The following SORT1 variants were observed in gnomAD, a reference collection of about 807,000 sequenced individuals.
SORT1 encodes sortilin.
In SORT1, 39 loss-of-function variants were observed where a neutral mutation model predicts 101.7. The ratio of observed to expected loss-of-function variants is 0.38; its 90% confidence interval spans 0.30 to 0.50. The LOEUF (loss-of-function observed/expected upper bound fraction) is 0.50. Among genes scored for constraint, SORT1 ranks in the 20% least tolerant of loss-of-function variants. The pLI is 0.90. For missense variants in SORT1, 878 were observed against 1,040.4 expected (o/e 0.84, Z 2.15); for synonymous variants, 396 against 393.7 (o/e 1.01, Z -0.07).
chr1:109,329,359 T>C (rs1329229647), intron 11 of SORT1, among the ~76,000 whole-genome samples: 14 of 152,132 alleles, frequency 9.2e-5, no homozygotes, highest in Admixed American at 9.2e-4. Context: ...GTTCATGCCA[T>C]TCTCCTGCCT....
chr1:109,395,113 A>G (rs1456842631), intron 1 of SORT1, among the ~76,000 whole-genome samples: 2 of 151,400 alleles, frequency 1.3e-5, no homozygotes, highest in Non-Finnish European at 2.9e-5. Flanking sequence ...GGTAAATGAT[A>G]TTAAACAAAG....
At chr1:109,326,909 G>T in intron 13 of SORT1, 83 bp downstream of exon 13, 2 of 1,082,528 alleles carry the variant, frequency 1.8e-6, no homozygotes, top group Non-Finnish European at 2.6e-6. Flanking sequence ...ATTATAGTCT[G>T]TAACATCCCC....
Position 109,345,777 on chromosome 1 carries a change from G to T in SORT1, c.937C>A (p.Leu313Ile). Reference protein sequence around the residue: ...IYSFGLGGRFLFASVMADKDT... With the variant: ...IYSFGLGGRFIFASVMADKDT... ...TTATCAGCCATCACAGAGGCAAAAA[G>T]GAAACGTCCCCCAAGACCAAATGAG... The change falls in exon 8 of 20, where the codon CTT (leucine) becomes ATT (isoleucine). Residue 313 changes from leucine to isoleucine, a missense_variant. Around this residue, in one of 2 missense-constraint regions of SORT1, gnomAD observed 684 missense variants for 894.5 expected, o/e 0.76. Transcript: ENST00000256637. The T allele has an allele frequency of 6.2e-7, 1 of 1,613,778 alleles. No homozygotes were observed.
intron 15 of SORT1, among the ~76,000 whole-genome samples, chr1:109,318,581 T>C (rs1311044152): frequency 6.6e-6 from 1 of 152,008 alleles, no homozygotes; most frequent in East Asian, 1.9e-4. Flanking sequence ...TGCAGAGGGG[T>C]GGAGACTCAC....
intron 8 of SORT1, 122 bp downstream of exon 8, chr1:109,345,629 C>T: frequency 3.3e-6 from 3 of 918,014 alleles, no homozygotes; most frequent in Non-Finnish European, 5.0e-6. Context: ...CCCTAACACT[C>T]ACAGTGGTAC....
chr1:109,389,552 G>A (rs977720723), intron 1 of SORT1, among the ~76,000 whole-genome samples: 15 of 152,124 alleles, frequency 9.9e-5, no homozygotes, highest in East Asian at 1.9e-4. Flanking sequence ...CCAGCTAATC[G>A]GCCCAATAAT....
Position 109,342,169 on chromosome 1 carries a change from T to C in SORT1, c.964-11A>G, listed in dbSNP as rs574119244. 4.4e-6 allele frequency: 7 copies of C among 1,598,692 alleles called. No individual in the cohort carries two copies. Among genetic ancestry groups the C allele is most frequent in the African/African-American group, 2.7e-5 (2 of 74,688 alleles). ...CCTTCTTGTTGTATCCTAGAACAGATGTCAATATTTATCTTTCTAATTTTC... is the reference window on the plus strand; with the variant it reads ...CCTTCTTGTTGTATCCTAGAACAGACGTCAATATTTATCTTTCTAATTTTC... On this transcript the variant is annotated splice_polypyrimidine_tract_variant and intron_variant, in intron 8 of 19. Coordinates refer to ENST00000256637, the MANE Select transcript of SORT1 (RefSeq NM_002959.7).
chr1:109,333,710 C>T (rs1648609922), intron 11 of SORT1, among the ~76,000 whole-genome samples: 1 of 152,102 alleles, frequency 6.6e-6, no homozygotes, highest in Non-Finnish European at 1.5e-5. Context: ...TATTATCTCA[C>T]CCAAGTTAGA....
At chr1:109,394,670 A>G (rs1653095692) in intron 1 of SORT1, among the ~76,000 whole-genome samples, 1 of 152,214 alleles carries the variant, frequency 6.6e-6, no homozygotes, top group Non-Finnish European at 1.5e-5. Flanking sequence ...TTCATTCTCC[A>G]GTCTGAATGA....
intron 11 of SORT1, among the ~76,000 whole-genome samples, chr1:109,333,526 G>A (rs1394213968): frequency 6.6e-6 from 1 of 152,016 alleles, no homozygotes; most frequent in Non-Finnish European, 1.5e-5. Context: ...ATCTTATAAG[G>A]GGTTAATATC....
intron 15 of SORT1, 76 bp from the exon 16 acceptor site, chr1:109,318,045 T>G: frequency 1.1e-6 from 1 of 886,750 alleles, no homozygotes; most frequent in Non-Finnish European, 1.9e-6. Flanking sequence ...AAGGGTTATG[T>G]GGGGTAGTGG....
chr1:109,369,607 AT>A lies in SORT1; in HGVS notation c.307-19del. 1 of 1,553,932 alleles carries A rather than the reference AT, an allele frequency of 6.4e-7. No homozygotes were observed. The highest frequency in any genetic ancestry group is 8.9e-7 in the Non-Finnish European group (1 of 1,125,930). On this transcript the variant is annotated intron_variant, in intron 1 of 19. Coordinates refer to ENST00000256637, the MANE Select transcript of SORT1 (RefSeq NM_002959.7). ...AACACATGCTATAAGGGGAAAAAAAATTAATTTAGAAATGACAGCCACTCTC... is the reference window on the plus strand; with the variant it reads ...AACACATGCTATAAGGGGAAAAAAAATAATTTAGAAATGACAGCCACTCTC...
intron 1 of SORT1, among the ~76,000 whole-genome samples, chr1:109,372,779 G>A (rs1651565339): frequency 6.6e-6 from 1 of 151,872 alleles, no homozygotes; most frequent in Non-Finnish European, 1.5e-5. Context: ...GGCACCTGTA[G>A]TCCCAGCTAC....
At chr1:109,372,222 G>A (rs1319119208) in intron 1 of SORT1, among the ~76,000 whole-genome samples, 1 of 152,170 alleles carries the variant, frequency 6.6e-6, no homozygotes. Context: ...CAACGTACAT[G>A]TCATTCTACA....
chr1:109,346,003 A>G (rs1649559498), intron 7 of SORT1, 122 bp from the exon 8 acceptor site: 4 of 815,482 alleles, frequency 4.9e-6, no homozygotes, highest in Non-Finnish European at 7.8e-6. Flanking sequence ...CATGTTAATC[A>G]AGTGACAACA....
At position 109,343,019 on chromosome 1, in the gene SORT1, G is replaced by A. The variant is rs377632397; in HGVS notation, c.964-861C>T. On this transcript the variant is annotated intron_variant, in intron 8 of 19. Coordinates refer to ENST00000256637, the MANE Select transcript of SORT1 (RefSeq NM_002959.7). ...TGTAGGTAGAAACCAGAGTTCAAAA[G>A]TACATCGCAAAATTTTAATTCTGTA... Among the ~76,000 whole-genome samples, 8 of 152,220 alleles carry A rather than the reference G, an allele frequency of 5.3e-5. No individual in the cohort carries two copies. In the East Asian group the frequency reaches 1.5e-3, roughly 29 times the overall value.
chr1:109,355,197 GGAGACAGAGT>G (rs1650226694), intron 4 of SORT1, among the ~76,000 whole-genome samples, 160 bp downstream of exon 4: 1 of 152,030 alleles, frequency 6.6e-6, no homozygotes, highest in Admixed American at 6.6e-5. Flanking sequence ...CTCCAGCCTG[GGAGACAGAGT>G]GAGACCCTTA....
intron 1 of SORT1, among the ~76,000 whole-genome samples, chr1:109,386,033 T>C (rs1652550595): frequency 6.6e-6 from 1 of 152,186 alleles, no homozygotes; most frequent in Non-Finnish European, 1.5e-5. Context: ...AAAACAATAA[T>C]ATTTAACCTT....
At chr1:109,324,129 C>T (rs1431144746) in intron 14 of SORT1, among the ~76,000 whole-genome samples, 1 of 80,126 alleles carries the variant, frequency 1.2e-5, no homozygotes, top group Non-Finnish European at 2.8e-5. Flanking sequence ...TTTCTTTATC[C>T]CCCTTCTTTT....
Sources: gnomAD v4.1 joint callset for allele counts (sites outside exome capture counted in the v4.1 genomes callset) on GRCh38, gnomAD v4.1.1 for gene constraint, gnomAD v4.1.1 regional missense constraint, MANE v1.5 for transcripts, NCBI Gene and HGNC (gene_info 2026-07-23, HGNC 2026-07-21) for gene names.